Variants in ADGRL3 observed in about 807,000 individuals in gnomAD.
ADGRL3 encodes the protein calcium-independent alpha-latrotoxin receptor 3.
In ADGRL3, 62 loss-of-function variants were observed where a neutral mutation model predicts 153.5. The ratio of observed to expected loss-of-function variants is 0.40; its 90% CI spans 0.33 to 0.50. The LOEUF is 0.50. Among genes scored for constraint, ADGRL3 ranks in the 20% least tolerant of loss-of-function variants. ADGRL3 has a pLI of 0.47. For missense variants in ADGRL3, 1,641 were observed against 1,859.4 expected, an observed-to-expected ratio of 0.88 and a Z score of 2.16; for synonymous variants, 710 against 672.5, an observed-to-expected ratio of 1.06 and a Z score of -0.86.
At position 61,825,139 on chromosome 4, in the gene ADGRL3, C is replaced by T. The variant is rs150988264; in HGVS notation, c.1480+11250C>T. Among the ~76,000 whole-genome samples, 1,188 of 152,180 alleles carry T rather than the reference C, an allele frequency of 7.8e-3. 9 individuals are homozygous for T. Among genetic ancestry groups the T allele is most frequent in the Non-Finnish European group, 0.012 (841 of 68,004 alleles). ...GACTGCAGCAAAAAACAATATGCCT[C>T]GCTGTTAAATGTGGCATCAGAACAT... On this transcript the variant is annotated intron_variant, in intron 9 of 26. Transcript: ENST00000683033.
At chr4:61,965,550 C>T (rs1255360326) in intron 17 of ADGRL3, among the ~76,000 whole-genome samples, 1 of 151,940 alleles carries the variant, frequency 6.6e-6, no homozygotes, top group East Asian at 2.0e-4. Context: ...GAGATTGAGA[C>T]CATCCTGGCT....
chr4:62,051,095 GAT>G lies in ADGRL3; in HGVS notation c.3814+6556_3814+6557del, dbSNP rs575908177. ...TGTGTGTATATATATATACACAAAG[GAT>G]ATATATATACAAAGAATATGTGTAT... On this transcript the variant is annotated intron_variant, in intron 25 of 26. Transcript: ENST00000683033. Among the ~76,000 whole-genome samples, 3 of 143,310 alleles carry G rather than the reference GAT, an allele frequency of 2.1e-5. No homozygotes were observed. In the East Asian group the frequency reaches 6.1e-4, roughly 29 times the overall value. The allele number at this position is 143,310 out of a possible 152,430, so 94.0% of individuals were successfully genotyped here.
At chr4:61,442,119 A>C (rs747478428) in intron 2 of ADGRL3, among the ~76,000 whole-genome samples, 16 of 152,222 alleles carry the variant, frequency 1.1e-4, no homozygotes, top group Non-Finnish European at 1.9e-4. Flanking sequence ...AATGCAAGCT[A>C]TTCATAAAAA....
chr4:61,573,163 C>T (rs72638508), intron 4 of ADGRL3, among the ~76,000 whole-genome samples: 5,130 of 151,972 alleles, frequency 0.034, 122 homozygotes, highest in Non-Finnish European at 0.054. Flanking sequence ...GATATTCTGT[C>T]GTATTTGAAA....
chr4:61,358,731 T>C (rs765794037), intron 1 of ADGRL3, among the ~76,000 whole-genome samples: 8 of 152,148 alleles, frequency 5.3e-5, no homozygotes, highest in African/African-American at 9.7e-5. Flanking sequence ...TGATTTCTCA[T>C]GATCCTCTCT....
intron 8 of ADGRL3, among the ~76,000 whole-genome samples, chr4:61,771,520 G>C (rs1171990452): frequency 6.6e-6 from 1 of 152,174 alleles, no homozygotes; most frequent in African/African-American, 2.4e-5. Context: ...AAATTTTCCT[G>C]ACACAATTGA....
chr4:61,718,722 G>C (rs995574021), intron 6 of ADGRL3, among the ~76,000 whole-genome samples: 1 of 152,108 alleles, frequency 6.6e-6, no homozygotes, highest in South Asian at 2.1e-4. Flanking sequence ...ATTGTTGGTA[G>C]TTCCTTCCTT....
At chr4:61,438,561 A>C (rs2097483481) in intron 2 of ADGRL3, among the ~76,000 whole-genome samples, 1 of 151,854 alleles carries the variant, frequency 6.6e-6, no homozygotes, top group Admixed American at 6.6e-5. Context: ...ACTCCCATAG[A>C]AGAGGCCCCA....
At chr4:61,211,829 TG>T (rs1740162743) in intron 1 of ADGRL3, 2 of 152,204 alleles carry the variant, frequency 1.3e-5, no homozygotes, top group Admixed American at 6.5e-5. Context: ...ACAGAAGCAG[TG>T]TGCCATTTCT....
At chr4:61,793,163 G>A (rs1229840468) in intron 8 of ADGRL3, among the ~76,000 whole-genome samples, 2 of 152,072 alleles carry the variant, frequency 1.3e-5, no homozygotes, top group African/African-American at 4.8e-5. Flanking sequence ...GGTGGCTCAT[G>A]CCTGTAATCC....
At chr4:61,616,509 G>A (rs1497919) in intron 5 of ADGRL3, among the ~76,000 whole-genome samples, 45,623 of 151,934 alleles carry the variant, frequency 0.3, 7,360 homozygotes, top group East Asian at 0.52. Flanking sequence ...CACAAGAGAC[G>A]CCTTGTCCTT....
At chr4:61,615,429 C>T (rs557647140) in intron 5 of ADGRL3, among the ~76,000 whole-genome samples, 8 of 151,928 alleles carry the variant, frequency 5.3e-5, no homozygotes, top group African/African-American at 7.2e-5. Context: ...AGAAGAAAAA[C>T]GCCTTGCAAT....
At chr4:61,594,996 C>G (rs147784547) in intron 5 of ADGRL3, among the ~76,000 whole-genome samples, 153 of 152,254 alleles carry the variant, frequency 1.0e-3, no homozygotes, top group African/African-American at 3.5e-3. Context: ...CCAATGTTCA[C>G]TTAAAGCCCA....
At chr4:61,977,036 T>C (rs577770228) in intron 17 of ADGRL3, among the ~76,000 whole-genome samples, 1 of 152,184 alleles carries the variant, frequency 6.6e-6, no homozygotes, top group African/African-American at 2.4e-5. Context: ...TTTTGTTCTA[T>C]GTTTGAGAGT....
intron 6 of ADGRL3, among the ~76,000 whole-genome samples, chr4:61,723,971 G>A (rs1160507485): frequency 1.3e-5 from 2 of 152,094 alleles, no homozygotes; most frequent in Non-Finnish European, 2.9e-5. Context: ...TCTTCACAGA[G>A]TACACATTCA....
chr4:62,013,074 G>A (rs1415533710), intron 21 of ADGRL3, among the ~76,000 whole-genome samples: 1 of 152,164 alleles, frequency 6.6e-6, no homozygotes, highest in African/African-American at 2.4e-5. Context: ...ATTTGCGACT[G>A]TCAGATTGTT....
At chr4:61,257,605 G>A (rs2092096189) in intron 1 of ADGRL3, among the ~76,000 whole-genome samples, 1 of 152,066 alleles carries the variant, frequency 6.6e-6, no homozygotes, top group Non-Finnish European at 1.5e-5. Context: ...TATTTTATTA[G>A]TGCAGTTTTT....
chr4:61,812,858 A>T (rs187311135), intron 8 of ADGRL3, among the ~76,000 whole-genome samples: 9 of 152,346 alleles, frequency 5.9e-5, no homozygotes, highest in Non-Finnish European at 1.2e-4. Context: ...AGGAAGACAG[A>T]ATTAATCCAT....
At chr4:61,991,721 C>T (rs1490703407) in intron 19 of ADGRL3, among the ~76,000 whole-genome samples, 1 of 151,346 alleles carries the variant, frequency 6.6e-6, no homozygotes, top group Non-Finnish European at 1.5e-5. Flanking sequence ...ATGAAAATGG[C>T]ATTAAAAAAA....
Sources: allele counts gnomAD v4.1 joint callset (sites outside exome capture counted in the v4.1 genomes callset), GRCh38; gene constraint gnomAD v4.1.1; transcripts MANE v1.5; gene names NCBI Gene and HGNC (gene_info 2026-07-23, HGNC 2026-07-21).